Variants in ELP1 observed in about 807,000 individuals in gnomAD.
ELP1 encodes the protein elongator complex protein 1.
A neutral mutation model predicts 183.2 loss-of-function variants in ELP1; 131 were observed. That is an observed-to-expected ratio of 0.72 (90% confidence interval 0.62 to 0.83). The LOEUF is 0.83. ELP1 is among the 40% of genes least tolerant of loss of function. ELP1 has a pLI of 0.00. For synonymous variants in ELP1, 555 were observed against 569.0 expected (o/e 0.98, Z 0.35); for missense variants, 1,550 against 1,594.9 (o/e 0.97, Z 0.48).
At chr9:108,924,824 C>T (rs923419962) in intron 5 of ELP1, among the ~76,000 whole-genome samples, 2 of 152,178 alleles carry the variant, frequency 1.3e-5, no homozygotes, top group Non-Finnish European at 2.9e-5. Context: ...CTCCATCTTC[C>T]CTGTTACTGG....
intron 3 of ELP1, among the ~76,000 whole-genome samples, chr9:108,927,705 A>G (rs141873697): frequency 1.3e-5 from 2 of 152,228 alleles, no homozygotes; most frequent in African/African-American, 4.8e-5. Flanking sequence ...ATTCAGCCAT[A>G]AAAAAAGAAT....
intron 6 of ELP1, 51 bp from the exon 7 acceptor site, chr9:108,919,400 G>T: frequency 8.0e-7 from 1 of 1,242,688 alleles, no homozygotes; most frequent in Non-Finnish European, 1.2e-6. Flanking sequence ...AAGTATCCCA[G>T]AATCAAACAA....
intron 4 of ELP1, 151 bp from the exon 5 acceptor site, chr9:108,926,754 A>G: frequency 3.0e-6 from 2 of 667,914 alleles, no homozygotes; most frequent in South Asian, 3.5e-5. Context: ...AAAAACAACA[A>G]TGACAAAAAA....
intron 29 of ELP1, 106 bp downstream of exon 29, chr9:108,889,226 A>C: frequency 9.5e-7 from 1 of 1,057,552 alleles, no homozygotes; most frequent in Non-Finnish European, 1.5e-6. Context: ...CTATCTCTGG[A>C]CTTAACAATT....
Position 108,893,933 on chromosome 9 carries a change from CCACA to C in ELP1, c.2860+6_2860+9del. 1 of 1,613,674 alleles carries C rather than the reference CCACA, an allele frequency of 6.2e-7. No homozygotes were observed. Among genetic ancestry groups the C allele is most frequent in the Admixed American group, 1.7e-5 (1 of 60,010 alleles). On this transcript the variant is annotated splice_donor_region_variant and intron_variant, in intron 26 of 36. Transcript: ENST00000374647. ...GAAGTAGAGATAAACATACTAATCC[CCACA>C]CTTACCACATTTGCTGAGGTGGCCA...
rs532365468 is a variant in ELP1 at position 108,919,589 on chromosome 9, T to G, written c.553-240A>C. Among the ~76,000 whole-genome samples, 4 of 139,878 alleles carry G rather than the reference T, an allele frequency of 2.9e-5. No individual in the cohort carries two copies. In the East Asian group the frequency reaches 8.3e-4, roughly 29 times the overall value. The allele number at this position is 139,878 out of a possible 152,430, so 91.8% of individuals were successfully genotyped here. A position where few individuals can be genotyped will look rare whatever the true frequency, so the allele number is the denominator to read the frequency against. ...GGCATTAAAAAAAAAAAAAGTGGCC[T>G]CTGAGAACAGCAAAAGAGGAAAAGA... On this transcript the variant is annotated intron_variant, in intron 6 of 36. Coordinates refer to ENST00000374647, the MANE Select transcript of ELP1 (RefSeq NM_003640.5).
chr9:108,906,501 A>C lies in ELP1; in HGVS notation c.1461-16T>G. 1.2e-6 allele frequency: 2 copies of C among 1,602,878 alleles called. No individual in the cohort carries two copies. Among genetic ancestry groups the C allele is most frequent in the Non-Finnish European group, 1.7e-6 (2 of 1,169,824 alleles). Reference sequence around the variant, plus strand: ...AAACTGGATTCTATTGTAAATATTGAAGAATATCCAAGACATGAATAAAAC... The same window carrying C: ...AAACTGGATTCTATTGTAAATATTGCAGAATATCCAAGACATGAATAAAAC... On this transcript the variant is annotated splice_polypyrimidine_tract_variant and intron_variant, in intron 13 of 36. Coordinates refer to ENST00000374647, the MANE Select transcript of ELP1 (RefSeq NM_003640.5).
In ELP1 at chr9:108,882,259, C is replaced by T. The variant is rs16913636; in HGVS notation, c.3223-72G>A. 7,068 of 1,332,242 alleles carry T rather than the reference C, an allele frequency of 5.3e-3. 318 individuals carry two copies. The African/African-American group carries it at 0.093, about 17-fold the overall frequency. 82.5% of individuals were successfully genotyped at this position (1,332,242 alleles called of 1,614,324 possible). A position where few individuals can be genotyped will look rare whatever the true frequency, so the allele number is the denominator to read the frequency against. On this transcript the variant is annotated intron_variant, in intron 29 of 36. Coordinates refer to ENST00000374647, the MANE Select transcript of ELP1 (RefSeq NM_003640.5). ...GATGTCATCACAGCCAACTACAAAA[C>T]TAACCACAGACCTGCCTCTATCTCC...
At chr9:108,892,117 AC>A (rs1461642089) in intron 27 of ELP1, among the ~76,000 whole-genome samples, 1 of 152,180 alleles carries the variant, frequency 6.6e-6, no homozygotes, top group African/African-American at 2.4e-5. Flanking sequence ...GGTGGAGGCG[AC>A]AAACCAGCTA....
At chr9:108,872,338 T>C (rs1008411349) in intron 36 of ELP1, among the ~76,000 whole-genome samples, 2 of 152,342 alleles carry the variant, frequency 1.3e-5, no homozygotes, top group African/African-American at 4.8e-5. Context: ...GTTAATTTTA[T>C]GCAGTTATGA....
intron 2 of ELP1, 87 bp from the exon 3 acceptor site, chr9:108,930,008 CTTTT>C (rs1269526884): frequency 1.4e-6 from 2 of 1,422,724 alleles, no homozygotes; most frequent in African/African-American, 2.8e-5. Flanking sequence ...TTTAATGCTT[CTTTT>C]ATTACATAAA....
chr9:108,917,714 A>C (rs773568009), intron 8 of ELP1, 44 bp from the exon 9 acceptor site: 1 of 1,607,068 alleles, frequency 6.2e-7, no homozygotes, highest in Non-Finnish European at 8.5e-7. Context: ...AGCTCACCTA[A>C]CTAAAGAATA....
intron 5 of ELP1, among the ~76,000 whole-genome samples, chr9:108,925,425 T>A (rs1365898992): frequency 6.6e-6 from 1 of 152,178 alleles, no homozygotes; most frequent in African/African-American, 2.4e-5. Flanking sequence ...ACACTTGAAA[T>A]GGACACATTC....
At chr9:108,925,593 A>G (rs1829799998) in intron 5 of ELP1, among the ~76,000 whole-genome samples, 1 of 152,104 alleles carries the variant, frequency 6.6e-6, no homozygotes, top group Non-Finnish European at 1.5e-5. Context: ...GCTGAGACTC[A>G]GCTCAAGTTG....
At chr9:108,888,325 T>C (rs1303949692) in intron 29 of ELP1, among the ~76,000 whole-genome samples, 3 of 152,202 alleles carry the variant, frequency 2.0e-5, no homozygotes. Flanking sequence ...AGTGCAATGG[T>C]GGTTACACAG....
rs539476728 is a variant in ELP1 at position 108,868,138 on chromosome 9, C to CT, written c.*976dup. The CT allele has an allele frequency of 6.6e-6, 1 of 152,180 alleles. No individual in the cohort carries two copies. Among genetic ancestry groups the CT allele is most frequent in the South Asian group, 2.1e-4 (1 of 4,804 alleles). The allele number at this position is 152,180 out of a possible 1,614,324, so 9.4% of individuals were successfully genotyped here. A position where few individuals can be genotyped will look rare whatever the true frequency, so the allele number is the denominator to read the frequency against. ...TTGTTGTTATAGAGACACAAATGGG[C>CT]TAAGATACACAGTAAGAAAGGTCTG... On this transcript the variant is annotated 3_prime_UTR_variant, in exon 37 of 37. Coordinates refer to ENST00000374647, the MANE Select transcript of ELP1 (RefSeq NM_003640.5).
At chr9:108,920,422 C>T (rs1250659538) in intron 6 of ELP1, among the ~76,000 whole-genome samples, 1 of 152,000 alleles carries the variant, frequency 6.6e-6, no homozygotes, top group African/African-American at 2.4e-5. Context: ...GCTGAGATTA[C>T]AGGCATCTGC....
At chr9:108,896,252 G>A (rs569924848) in intron 25 of ELP1, among the ~76,000 whole-genome samples, 3 of 151,834 alleles carry the variant, frequency 2.0e-5, no homozygotes, top group Non-Finnish European at 2.9e-5. Context: ...GTGAGACTCC[G>A]TCTCAAAAAA....
At chr9:108,921,893 G>A (rs1195840177) in intron 6 of ELP1, among the ~76,000 whole-genome samples, 1 of 152,198 alleles carries the variant, frequency 6.6e-6, no homozygotes, top group Non-Finnish European at 1.5e-5. Flanking sequence ...TGCCTACACT[G>A]TGCTGATGCT....
Sources: allele counts gnomAD v4.1 joint callset (sites outside exome capture counted in the v4.1 genomes callset), GRCh38; gene constraint gnomAD v4.1.1; transcripts MANE v1.5; gene names NCBI Gene and HGNC (gene_info 2026-07-23, HGNC 2026-07-21).